GRIN2A: variants seen among roughly 807,000 people sequenced by gnomAD.
GRIN2A encodes glutamate receptor ionotropic, NMDA 2A.
In GRIN2A, 22 loss-of-function variants were observed where a neutral mutation model predicts 113.4. The observed-to-expected ratio is 0.19, with a 90% confidence interval of 0.14 to 0.28. The LOEUF (loss-of-function observed/expected upper bound fraction) is 0.28, where lower values mean the gene tolerates loss of function less well. Ranked by LOEUF, GRIN2A falls within the 10% of genes least tolerant of loss-of-function variation. The pLI is 1.00. For missense variants in GRIN2A, 1,502 were observed against 1,887.0 expected (o/e 0.80, Z 3.78); for synonymous variants, 827 against 738.4 (o/e 1.12, Z -1.94).
intron 3 of GRIN2A, among the ~76,000 whole-genome samples, chr16:9,908,305 G>C (rs1376016795): frequency 6.6e-6 from 1 of 152,162 alleles, no homozygotes; most frequent in East Asian, 1.9e-4. Context: ...TGGGAGAAGA[G>C]AATGATGTGT....
At chr16:10,112,702 G>T (rs866310450) in intron 2 of GRIN2A, 2 of 747,422 alleles carry the variant, frequency 2.7e-6, no homozygotes, top group Non-Finnish European at 4.9e-6. Flanking sequence ...ATTGTGCAGG[G>T]TGTCTCGGCC....
chr16:9,923,279 A>T (rs765908287), intron 3 of GRIN2A, among the ~76,000 whole-genome samples: 5 of 152,124 alleles, frequency 3.3e-5, no homozygotes, highest in African/African-American at 4.8e-5. Flanking sequence ...CCAGTTTTTT[A>T]AAATTAGTAT....
intron 8 of GRIN2A, among the ~76,000 whole-genome samples, chr16:9,831,434 G>A (rs762776879): frequency 6.6e-6 from 1 of 150,968 alleles, no homozygotes; most frequent in Non-Finnish European, 1.5e-5. Flanking sequence ...ACACTATCTG[G>A]ATAGAGTAGC....
chr16:10,163,486 C>G (rs139644812), intron 2 of GRIN2A, among the ~76,000 whole-genome samples: 2 of 152,152 alleles, frequency 1.3e-5, no homozygotes, highest in African/African-American at 2.4e-5. Flanking sequence ...ATAAATGACA[C>G]GTGAGATCTC....
At chr16:9,875,602 G>A (rs946856769) in intron 4 of GRIN2A, among the ~76,000 whole-genome samples, 10 of 152,328 alleles carry the variant, frequency 6.6e-5, no homozygotes, top group African/African-American at 2.4e-4. Flanking sequence ...TAATAGAACA[G>A]AGACAATGGA....
In GRIN2A at chr16:9,758,676, C is replaced by T; in HGVS notation, c.*4473G>A. 1 of 215,342 alleles carries T rather than the reference C, an allele frequency of 4.6e-6. No homozygotes were observed. The highest frequency in any genetic ancestry group is 9.4e-6 in the Non-Finnish European group (1 of 106,662). 13.3% of individuals were successfully genotyped at this position (215,342 alleles called of 1,614,324 possible). A position where few individuals can be genotyped will look rare whatever the true frequency, so the allele number is the denominator to read the frequency against. ...TATTCACAGGATAAGTGCATTTGAT[C>T]ATCTCTGATCTATATCAAGTGGCAA... On this transcript the variant is annotated 3_prime_UTR_variant, in exon 13 of 13. Coordinates refer to ENST00000330684, the MANE Select transcript of GRIN2A (RefSeq NM_001134407.3).
chr16:10,148,372 T>C (rs531481264), intron 2 of GRIN2A, among the ~76,000 whole-genome samples: 46 of 152,292 alleles, frequency 3.0e-4, no homozygotes, highest in African/African-American at 1.1e-3. Context: ...CATATTTCCT[T>C]AAACTGACTC....
intron 2 of GRIN2A, among the ~76,000 whole-genome samples, chr16:10,045,565 C>T (rs1452228846): frequency 6.6e-6 from 1 of 152,308 alleles, no homozygotes; most frequent in South Asian, 2.1e-4. Flanking sequence ...AACCTATCCT[C>T]GGGGTTTGGC....
At chr16:9,866,077 G>A (rs572124612) in intron 4 of GRIN2A, among the ~76,000 whole-genome samples, 6 of 152,122 alleles carry the variant, frequency 3.9e-5, no homozygotes, top group Non-Finnish European at 7.4e-5. Flanking sequence ...AAACAGTTAG[G>A]GGTTTTGTCA....
rs555852801 is a variant in GRIN2A at position 10,175,742 on chromosome 16, T to C, written c.414+4256A>G. On this transcript the variant is annotated intron_variant, in intron 2 of 12. Coordinates refer to ENST00000330684, the MANE Select transcript of GRIN2A (RefSeq NM_001134407.3). ...CCAAGTGATAACTGGCATGGATGGA[T>C]ATAGCTAAAATCTGAGCCTCGTCTT... Among the ~76,000 whole-genome samples, 3 of 152,276 alleles carry C rather than the reference T, an allele frequency of 2.0e-5. 1 individual carries two copies. The South Asian group carries it at 6.2e-4, about 32-fold the overall frequency.
chr16:9,861,887 C>G (rs1235792376), intron 4 of GRIN2A, among the ~76,000 whole-genome samples: 2 of 152,160 alleles, frequency 1.3e-5, no homozygotes, highest in Non-Finnish European at 2.9e-5. Flanking sequence ...GTGCCTGCTT[C>G]CTCTGAATGC....
At chr16:9,779,719 G>A (rs1414252495) in intron 11 of GRIN2A, among the ~76,000 whole-genome samples, 1 of 151,478 alleles carries the variant, frequency 6.6e-6, no homozygotes, top group East Asian at 2.0e-4. Context: ...TATGACTTAG[G>A]AGAGCTCTCA....
intron 2 of GRIN2A, among the ~76,000 whole-genome samples, chr16:10,104,473 T>C (rs1451053013): frequency 6.6e-6 from 1 of 152,222 alleles, no homozygotes; most frequent in African/African-American, 2.4e-5. Context: ...AATGACTTAA[T>C]AATCAGTATG....
chr16:10,123,637 A>G (rs2048873861), intron 2 of GRIN2A, among the ~76,000 whole-genome samples: 1 of 152,184 alleles, frequency 6.6e-6, no homozygotes, highest in South Asian at 2.1e-4. Context: ...GGCAGATTCT[A>G]GCTCGGTCAG....
chr16:9,862,845 G>A (rs2043094154), intron 4 of GRIN2A, among the ~76,000 whole-genome samples: 1 of 152,078 alleles, frequency 6.6e-6, no homozygotes, highest in Non-Finnish European at 1.5e-5. Context: ...CTTGCTCTTG[G>A]GAGTCCTTCA....
At chr16:9,874,350 G>A (rs932318484) in intron 4 of GRIN2A, among the ~76,000 whole-genome samples, 4 of 152,230 alleles carry the variant, frequency 2.6e-5, no homozygotes, top group South Asian at 4.1e-4. Flanking sequence ...GATGTGCAGA[G>A]GAATGCTGAT....
At chr16:10,100,929 C>G (rs1343731326) in intron 2 of GRIN2A, among the ~76,000 whole-genome samples, 1 of 152,188 alleles carries the variant, frequency 6.6e-6, no homozygotes, top group African/African-American at 2.4e-5. Flanking sequence ...ATGGAGGAGA[C>G]ACTTGGATCC....
At chr16:9,871,495 C>G (rs193197104) in intron 4 of GRIN2A, among the ~76,000 whole-genome samples, 1 of 151,256 alleles carries the variant, frequency 6.6e-6, no homozygotes, top group Admixed American at 6.6e-5. Flanking sequence ...AGTCTAGAGT[C>G]TAGATTGCAC....
intron 9 of GRIN2A, 57 bp from the exon 10 acceptor site, chr16:9,822,481 G>T: frequency 8.6e-7 from 1 of 1,160,060 alleles, no homozygotes; most frequent in South Asian, 1.2e-5. Flanking sequence ...GAAGGGAGGA[G>T]GGGGAGGAGA....
Sources: gnomAD v4.1 joint callset for allele counts (sites outside exome capture counted in the v4.1 genomes callset) on GRCh38, gnomAD v4.1.1 for gene constraint, MANE v1.5 for transcripts, NCBI Gene and HGNC (gene_info 2026-07-23, HGNC 2026-07-21) for gene names.